Variants in GABBR2 observed in about 807,000 individuals in gnomAD.
GABBR2 encodes the protein gamma-aminobutyric acid type B receptor subunit 2.
In GABBR2, 23 loss-of-function variants were observed where a neutral mutation model predicts 105.6. That is an observed-to-expected ratio of 0.22 (90% CI 0.16 to 0.31). The LOEUF (loss-of-function observed/expected upper bound fraction) is 0.31. GABBR2 is among the 10% of genes least tolerant of loss of function. The probability of loss-of-function intolerance (pLI) is 1.00; values close to 1 mark genes in which losing one functional copy is unlikely to be tolerated. For missense variants in GABBR2, 734 were observed against 1,245.5 expected, an observed-to-expected ratio of 0.59 and a Z score of 6.18; for synonymous variants, 478 against 499.7, an observed-to-expected ratio of 0.96 and a Z score of 0.58.
At chr9:98,448,029 G>A (rs1826166626) in intron 7 of GABBR2, among the ~76,000 whole-genome samples, 1 of 152,040 alleles carries the variant, frequency 6.6e-6, no homozygotes, top group Non-Finnish European at 1.5e-5. Flanking sequence ...GAAGATAACA[G>A]CCATCGGAGG....
chr9:98,339,062 C>T (rs2131403014), intron 13 of GABBR2, among the ~76,000 whole-genome samples: 1 of 152,060 alleles, frequency 6.6e-6, no homozygotes, highest in African/African-American at 2.4e-5. Flanking sequence ...ATGAAATGTC[C>T]ACAATAGACA....
intron 3 of GABBR2, among the ~76,000 whole-genome samples, chr9:98,536,088 G>A (rs1999502): frequency 0.095 from 14,451 of 152,138 alleles, 845 homozygotes; most frequent in South Asian, 0.16. Context: ...GGCAGGGAGC[G>A]TATGGGAAAT....
intron 2 of GABBR2, among the ~76,000 whole-genome samples, chr9:98,558,261 A>T (rs1186159183): frequency 6.6e-6 from 1 of 152,236 alleles, no homozygotes; most frequent in African/African-American, 2.4e-5. Flanking sequence ...TTAACTGGGC[A>T]TCCTGTATTC....
intron 13 of GABBR2, among the ~76,000 whole-genome samples, chr9:98,320,984 A>T (rs1425840388): frequency 6.6e-6 from 1 of 152,132 alleles, no homozygotes; most frequent in Non-Finnish European, 1.5e-5. Flanking sequence ...ATAATAATAC[A>T]AAATAAATAA....
intron 8 of GABBR2, among the ~76,000 whole-genome samples, chr9:98,401,065 G>A (rs1329347701): frequency 7.5e-6 from 1 of 133,308 alleles, no homozygotes; most frequent in Admixed American, 7.4e-5. Context: ...ACTGTTAAGA[G>A]TGCCCAAGAG....
At chr9:98,453,036 T>G (rs1826259397) in intron 7 of GABBR2, among the ~76,000 whole-genome samples, 1 of 152,222 alleles carries the variant, frequency 6.6e-6, no homozygotes, top group Non-Finnish European at 1.5e-5. Context: ...GCCCTTTTTT[T>G]TTCTTTTGAG....
At chr9:98,536,115 C>T (rs1340972668) in intron 3 of GABBR2, among the ~76,000 whole-genome samples, 1 of 152,128 alleles carries the variant, frequency 6.6e-6, no homozygotes, top group African/African-American at 2.4e-5. Context: ...ACCTTACTCT[C>T]AATTTTGCTA....
chr9:98,401,711 A>G (rs962259562), intron 8 of GABBR2, among the ~76,000 whole-genome samples: 4 of 152,226 alleles, frequency 2.6e-5, no homozygotes, highest in African/African-American at 9.7e-5. Flanking sequence ...GGAAAAGGTT[A>G]TTAAAAATCA....
At chr9:98,619,538 G>A (rs779288799) in intron 1 of GABBR2, among the ~76,000 whole-genome samples, 20 of 152,200 alleles carry the variant, frequency 1.3e-4, no homozygotes, top group South Asian at 8.3e-4. Flanking sequence ...ATATTTCATC[G>A]GAATCCAAGT....
At chr9:98,606,251 T>C (rs555653895) in intron 1 of GABBR2, among the ~76,000 whole-genome samples, 3 of 152,356 alleles carry the variant, frequency 2.0e-5, no homozygotes, top group Admixed American at 6.5e-5. Flanking sequence ...CGTGTGTCTT[T>C]ATAGCAGCAT....
intron 13 of GABBR2, among the ~76,000 whole-genome samples, chr9:98,322,288 C>G (rs1053245220): frequency 2.6e-5 from 4 of 152,246 alleles, no homozygotes; most frequent in African/African-American, 9.6e-5. Context: ...CCAGGTGAGA[C>G]CAGAACCTGG....
intron 1 of GABBR2, among the ~76,000 whole-genome samples, chr9:98,595,475 A>G (rs993759750): frequency 4.0e-5 from 5 of 126,576 alleles, no homozygotes; most frequent in Non-Finnish European, 8.4e-5. Flanking sequence ...ATGTAGTGCC[A>G]GGAATCAGGG....
intron 7 of GABBR2, among the ~76,000 whole-genome samples, chr9:98,423,185 G>A (rs959326294): frequency 3.5e-4 from 53 of 152,144 alleles, no homozygotes; most frequent in East Asian, 7.7e-4. Flanking sequence ...AGGAATCGCC[G>A]CACTGACTTC....
chr9:98,659,504 C>T (rs1375645034), intron 1 of GABBR2, among the ~76,000 whole-genome samples: 2 of 109,608 alleles, frequency 1.8e-5, no homozygotes, highest in Non-Finnish European at 3.4e-5. Context: ...TTTAAACAAC[C>T]TTTTTTCTTT....
At chr9:98,662,534 G>A (rs1247725187) in intron 1 of GABBR2, among the ~76,000 whole-genome samples, 2 of 152,172 alleles carry the variant, frequency 1.3e-5, no homozygotes, top group Non-Finnish European at 2.9e-5. Context: ...AAAAGCTGAG[G>A]ACCCCAGGAG....
At chr9:98,434,095 C>A (rs1309222736) in intron 7 of GABBR2, among the ~76,000 whole-genome samples, 5 of 152,156 alleles carry the variant, frequency 3.3e-5, no homozygotes, top group Admixed American at 6.5e-5. Flanking sequence ...GCCAATGCAG[C>A]CAGAATAAAA....
chr9:98,579,584 C>A (rs1367305904), intron 1 of GABBR2, among the ~76,000 whole-genome samples: 1 of 152,164 alleles, frequency 6.6e-6, no homozygotes, highest in Non-Finnish European at 1.5e-5. Context: ...CACTTAAAAC[C>A]CAAACTCCTA....
At chr9:98,486,716 G>A (rs934049845) in intron 4 of GABBR2, among the ~76,000 whole-genome samples, 2 of 152,212 alleles carry the variant, frequency 1.3e-5, no homozygotes, top group Non-Finnish European at 1.5e-5. Context: ...TGAGCTGTTA[G>A]AGGCTGGCCA....
chr9:98,386,097 G>A (rs1196027653), intron 10 of GABBR2, among the ~76,000 whole-genome samples: 1 of 151,994 alleles, frequency 6.6e-6, no homozygotes, highest in East Asian at 1.9e-4. Context: ...ATTTCTAATT[G>A]TTGATTTCCC....
Sources: allele counts gnomAD v4.1 joint callset (sites outside exome capture counted in the v4.1 genomes callset), GRCh38; gene constraint gnomAD v4.1.1; transcripts MANE v1.5; gene names NCBI Gene and HGNC (gene_info 2026-07-23, HGNC 2026-07-21).